RELN: variants seen among roughly 807,000 people sequenced by gnomAD.
RELN encodes reelin.
A neutral mutation model predicts 427.6 loss-of-function variants in RELN; 108 were observed. The ratio of observed to expected loss-of-function variants is 0.25; its 90% CI spans 0.22 to 0.30. The LOEUF (loss-of-function observed/expected upper bound fraction) is 0.30. Among genes scored for constraint, RELN ranks in the 10% least tolerant of loss-of-function variants. The pLI is 1.00. For synonymous variants in RELN, 1,524 were observed against 1,513.4 expected (o/e 1.01, Z -0.16); for missense variants, 3,715 against 4,302.8 (o/e 0.86, Z 3.82).
At chr7:103,578,660 A>T (rs1288136589) in intron 28 of RELN, among the ~76,000 whole-genome samples, 9 of 152,306 alleles carry the variant, frequency 5.9e-5, no homozygotes, top group African/African-American at 4.8e-5. Context: ...TAGCAACCTC[A>T]GGGTTTCTGG....
At chr7:103,606,683 A>G (rs146031973) in intron 22 of RELN, among the ~76,000 whole-genome samples, 1 of 152,128 alleles carries the variant, frequency 6.6e-6, no homozygotes, top group Non-Finnish European at 1.5e-5. Context: ...GGTTTCAGAA[A>G]CTTGTCTTAG....
In RELN at chr7:103,604,624, C is replaced by T. The variant is rs112845916; in HGVS notation, c.3009-141G>A. 4 of 805,890 alleles carry T rather than the reference C, an allele frequency of 5.0e-6. No individual in the cohort carries two copies. In the Admixed American group the frequency reaches 8.0e-5, roughly 16 times the overall value. 49.9% of individuals were successfully genotyped at this position (805,890 alleles called of 1,614,324 possible). ...GCTGGCATCATTTTTCTTTAATTTC[C>T]ACTCAATTATTGTCCAATGCAACAA... On this transcript the variant is annotated intron_variant, in intron 22 of 64. Coordinates refer to ENST00000428762, the MANE Select transcript of RELN (RefSeq NM_005045.4).
intron 16 of RELN, among the ~76,000 whole-genome samples, chr7:103,643,137 A>G (rs1832727269): frequency 6.6e-6 from 1 of 152,134 alleles, no homozygotes; most frequent in African/African-American, 2.4e-5. Context: ...AAATTATTAA[A>G]AAATAACAGA....
chr7:103,603,484 G>T lies in RELN; in HGVS notation c.3153C>A (p.Asp1051Glu), dbSNP rs1170558480. 1 of 1,613,434 alleles carries T rather than the reference G, an allele frequency of 6.2e-7. No individual in the cohort carries two copies. The highest frequency in any genetic ancestry group is 8.5e-7 in the Non-Finnish European group (1 of 1,179,498). The change falls in exon 24 of 65, where the codon GAC becomes GAA. Residue 1051 changes from aspartate (D) to glutamate (E), a missense_variant. Transcript: ENST00000428762. The surrounding 1 kb of genome is among the most constrained non-coding windows in gnomAD (Gnocchi z 4.3). The part of the protein sequence containing the change: ...GSCDHGICRC[D>E]QGYQGTECHP... ...GGCATTCAGTGCCTTGGTACCCCTGGTCACACCTATGAGAGAGCAGGGCTG... is the reference window on the plus strand; with the variant it reads ...GGCATTCAGTGCCTTGGTACCCCTGTTCACACCTATGAGAGAGCAGGGCTG...
intron 48 of RELN, among the ~76,000 whole-genome samples, chr7:103,520,577 T>C (rs1829676766): frequency 6.6e-6 from 1 of 152,048 alleles, no homozygotes; most frequent in Non-Finnish European, 1.5e-5. Context: ...CGCCTGTAAA[T>C]AGATGACTAT....
intron 28 of RELN, among the ~76,000 whole-genome samples, chr7:103,576,595 A>G (rs1246928502): frequency 1.3e-5 from 2 of 152,236 alleles, no homozygotes; most frequent in Non-Finnish European, 2.9e-5. Flanking sequence ...CTGTTTGGGA[A>G]TGTTTGAAAC....
intron 40 of RELN, among the ~76,000 whole-genome samples, chr7:103,551,568 A>G (rs1047489540): frequency 2.6e-5 from 4 of 152,208 alleles, no homozygotes; most frequent in African/African-American, 9.6e-5. Context: ...GGCTGGGACA[A>G]TTCCAAATTT....
intron 1 of RELN, among the ~76,000 whole-genome samples, chr7:103,927,889 T>A (rs1418280030): frequency 6.6e-6 from 1 of 152,202 alleles, no homozygotes; most frequent in Non-Finnish European, 1.5e-5. Context: ...GAGTGTTTAA[T>A]GAAGGGACTT....
At chr7:103,554,079 C>T (rs1304635844) in intron 38 of RELN, among the ~76,000 whole-genome samples, 2 of 151,966 alleles carry the variant, frequency 1.3e-5, no homozygotes, top group Non-Finnish European at 2.9e-5. Context: ...CCCAGCTACT[C>T]AGGAGGCTGA....
chr7:103,641,976 T>A (rs758577116), intron 16 of RELN, among the ~76,000 whole-genome samples: 12 of 152,144 alleles, frequency 7.9e-5, no homozygotes, highest in Non-Finnish European at 1.8e-4. Flanking sequence ...TCCAAGTCAA[T>A]GAAAAAAGTT....
intron 2 of RELN, among the ~76,000 whole-genome samples, chr7:103,889,633 C>G (rs1017212886): frequency 6.6e-6 from 1 of 152,100 alleles, no homozygotes; most frequent in Non-Finnish European, 1.5e-5. Flanking sequence ...TTATCTTATT[C>G]TTTCCACCTG....
intron 6 of RELN, among the ~76,000 whole-genome samples, chr7:103,738,194 G>C (rs936786027): frequency 6.6e-6 from 1 of 150,854 alleles, no homozygotes; most frequent in African/African-American, 2.4e-5. Flanking sequence ...TAGAGCTCTG[G>C]ATGCCTTCTG....
chr7:103,955,992 CCT>C (rs1648555105), intron 1 of RELN, among the ~76,000 whole-genome samples: 1 of 152,172 alleles, frequency 6.6e-6, no homozygotes, highest in Non-Finnish European at 1.5e-5. Context: ...TTGGGTTCAT[CCT>C]CTTTCCTGGC....
intron 11 of RELN, among the ~76,000 whole-genome samples, chr7:103,669,787 T>C (rs1369624843): frequency 6.6e-6 from 1 of 152,126 alleles, no homozygotes; most frequent in African/African-American, 2.4e-5. Flanking sequence ...TTTGAAGGAA[T>C]GTCTGCCTGA....
intron 20 of RELN, among the ~76,000 whole-genome samples, chr7:103,612,703 T>A (rs547303441): frequency 6.6e-6 from 1 of 152,362 alleles, no homozygotes; most frequent in South Asian, 2.1e-4. Flanking sequence ...ATTTTTCAAA[T>A]GGCCTTTACT....
intron 10 of RELN, among the ~76,000 whole-genome samples, chr7:103,686,120 T>C (rs1274286851): frequency 1.3e-5 from 2 of 152,180 alleles, no homozygotes; most frequent in African/African-American, 4.8e-5. Flanking sequence ...CATTTATTCT[T>C]TGACGATATC....
At chr7:103,804,426 G>A (rs1390906546) in intron 3 of RELN, among the ~76,000 whole-genome samples, 2 of 152,052 alleles carry the variant, frequency 1.3e-5, no homozygotes, top group Non-Finnish European at 1.5e-5. Flanking sequence ...TGACAAATTC[G>A]GAATAATGCC....
At position 103,640,636 on chromosome 7, in the gene RELN, T is replaced by G; in HGVS notation, c.2003-27A>C. The G allele has an allele frequency of 6.2e-7, 1 of 1,610,996 alleles. No homozygotes were observed. Among genetic ancestry groups the G allele is most frequent in the Non-Finnish European group, 8.5e-7 (1 of 1,177,752 alleles). On this transcript the variant is annotated intron_variant, in intron 16 of 64. Transcript: ENST00000428762. The surrounding 1 kb of genome is among the most constrained non-coding windows in gnomAD (Gnocchi z 4.1). ...TGTGGGAGGGAAAAAGAGAACATAATTACAAAAACATAGAACACTACCAGT... is the reference window on the plus strand; with the variant it reads ...TGTGGGAGGGAAAAAGAGAACATAAGTACAAAAACATAGAACACTACCAGT...
chr7:103,573,991 T>C lies in RELN; in HGVS notation c.4511+101A>G, dbSNP rs1265283831. 4 of 919,398 alleles carry C rather than the reference T, an allele frequency of 4.4e-6. No homozygotes were observed. The highest frequency in any genetic ancestry group is 5.4e-6 in the Non-Finnish European group (3 of 556,100). 57.0% of individuals were successfully genotyped at this position (919,398 alleles called of 1,614,324 possible). On this transcript the variant is annotated intron_variant, in intron 30 of 64. Coordinates refer to ENST00000428762, the MANE Select transcript of RELN (RefSeq NM_005045.4). This position sits in a 1 kb window ranked among gnomAD's most constrained non-coding sequence, Gnocchi z 4.4. ...TCATAATCTATATACAGAAACATTA[T>C]TGTATATATTCCCAATAACAGAACA...
Sources: gnomAD v4.1 joint callset for allele counts (sites outside exome capture counted in the v4.1 genomes callset) on GRCh38, gnomAD v4.1.1 for gene constraint, Gnocchi (gnomAD v3.1) non-coding constraint, MANE v1.5 for transcripts, NCBI Gene and HGNC (gene_info 2026-07-23, HGNC 2026-07-21) for gene names.